Variants in RP9 observed in about 807,000 individuals in gnomAD.
RP9 encodes the protein RP9 pre-mRNA splicing factor, also known as retinitis pigmentosa 9 protein.
Under a neutral mutation model 32.6 loss-of-function variants are expected in RP9, and 23 were observed. The observed-to-expected ratio is 0.71, with a 90% CI of 0.51 to 1.00. The LOEUF (loss-of-function observed/expected upper bound fraction) is 1.00. Among genes scored for constraint, RP9 ranks in the 50% least tolerant of loss-of-function variants. The pLI, the probability that RP9 is intolerant of heterozygous loss-of-function variation, is 0.00. For missense variants in RP9, 245 were observed against 285.3 expected, an observed-to-expected ratio of 0.86 and a Z score of 1.02; for synonymous variants, 94 against 103.6, an observed-to-expected ratio of 0.91 and a Z score of 0.56.
chr7:33,095,003 G>A lies in RP9; in HGVS notation c.*231C>T, dbSNP rs927857399. ...TCATGTGACCAGCAGGGAGGACAAC[G>A]ATGAAGAAACTTTCCTGCCTAAAAT... On this transcript the variant is annotated 3_prime_UTR_variant, in exon 6 of 6. Coordinates refer to ENST00000297157, the MANE Select transcript of RP9 (RefSeq NM_203288.2). 3.2e-5 allele frequency: 18 copies of A among 555,284 alleles called. No individual in the cohort carries two copies. The highest frequency in any genetic ancestry group is 2.8e-4 in the East Asian group (9 of 31,834). 34.4% of individuals were successfully genotyped at this position (555,284 alleles called of 1,614,324 possible). A position where few individuals can be genotyped will look rare whatever the true frequency, so the allele number is the denominator to read the frequency against.
At chr7:33,095,856 G>C (rs1788324897) in intron 5 of RP9, among the ~76,000 whole-genome samples, 1 of 151,672 alleles carries the variant, frequency 6.6e-6, no homozygotes, top group African/African-American at 2.4e-5. Context: ...TTTAGAGACA[G>C]GGTCTTCCTC....
rs1562623221 is a variant in RP9, at chr7:33,109,238, G to C, written c.135C>G (p.Leu45=). ...RRHDAQQLQQ[L]KHLESFYEKP... ...GGACTCACAAGGACTCCAGGTGCTT[G>C]AGCTGCTGCAGCTGCTGCGCGTCGT... Residue 45 remains leucine, a synonymous_variant, in exon 1 of 6, where the codon CTC becomes CTG. Transcript: ENST00000297157. The surrounding 1 kb of genome is among the most constrained non-coding windows in gnomAD (Gnocchi z 4.9). 2 of 1,497,562 alleles carry C rather than the reference G, an allele frequency of 1.3e-6. No individual in the cohort carries two copies. Among genetic ancestry groups the C allele is most frequent in the South Asian group, 2.5e-5 (2 of 80,310 alleles). The allele number at this position is 1,497,562 out of a possible 1,614,324, so 92.8% of individuals were successfully genotyped here.
chr7:33,097,579 C>T (rs1355134771), intron 3 of RP9, among the ~76,000 whole-genome samples: 2 of 152,110 alleles, frequency 1.3e-5, no homozygotes, highest in Admixed American at 6.5e-5. Context: ...TATTCTATCA[C>T]CAAGTATTTA....
In RP9 at chr7:33,097,797, T is replaced by C. The variant is rs571346676; in HGVS notation, c.314-435A>G. ...ACCACACCCAGCTAATTTTTGTATT[T>C]TTAGCAGAGATGGGGTTTTGCCATG... is the stretch of plus-strand genomic sequence containing the variant. On this transcript the variant is annotated intron_variant, in intron 3 of 5. Coordinates refer to ENST00000297157, the MANE Select transcript of RP9 (RefSeq NM_203288.2). 2.0e-5 allele frequency among the ~76,000 whole-genome samples: 3 copies of C among 152,198 alleles called. No individual in the cohort carries two copies. The East Asian group carries it at 5.8e-4, about 30-fold the overall frequency.
intron 1 of RP9, among the ~76,000 whole-genome samples, chr7:33,105,650 TC>T (rs1378329974): frequency 1.3e-5 from 2 of 152,154 alleles, no homozygotes; most frequent in African/African-American, 4.8e-5. Context: ...GACCCCTCAT[TC>T]CAGAAAGGGT....
At chr7:33,105,174 A>C (rs2128033629) in intron 1 of RP9, among the ~76,000 whole-genome samples, 1 of 152,190 alleles carries the variant, frequency 6.6e-6, no homozygotes, top group South Asian at 2.1e-4. Context: ...CAGATTGAAG[A>C]GTCTAGGTAA....
chr7:33,095,381 C>T lies in RP9; in HGVS notation c.519G>A (p.Arg173=). Residue 173 remains arginine (R), a synonymous_variant, in exon 6 of 6, where the codon AGG becomes AGA. Transcript: ENST00000297157. ...LLEDSTSDED[R]SSSSSSEGKE... ...TACCTTCAGAGGAACTGGAGCTGCT[C>T]CTATCTTCATCTGAGGTAGAATCCT... 6.2e-7 allele frequency: 1 copy of T among 1,613,760 alleles called. No individual in the cohort carries two copies. Among genetic ancestry groups the T allele is most frequent in the South Asian group, 1.1e-5 (1 of 91,060 alleles).
chr7:33,099,089 G>T, intron 3 of RP9: 1 of 617,026 alleles, frequency 1.6e-6, no homozygotes, highest in Non-Finnish European at 2.9e-6. Context: ...TGGGTTTGTG[G>T]TGAGAGCTTT....
chr7:33,101,261 T>G (rs1413092737), intron 1 of RP9, among the ~76,000 whole-genome samples: 1 of 152,052 alleles, frequency 6.6e-6, no homozygotes, highest in Non-Finnish European at 1.5e-5. Flanking sequence ...TAGAAGACAA[T>G]GAATATTGGA....
At position 33,100,687 on chromosome 7, in the gene RP9, G is replaced by A. The variant is rs758613144; in HGVS notation, c.153-126C>T. 3 of 796,268 alleles carry A rather than the reference G, an allele frequency of 3.8e-6. No homozygotes were observed. In the East Asian group the frequency reaches 7.9e-5, roughly 21 times the overall value. The allele number at this position is 796,268 out of a possible 1,614,324, so 49.3% of individuals were successfully genotyped here. Reference sequence around the variant, plus strand: ...TAGCAACAATAAGCTTTTATCACTGGTTTGCAGACAAGCAATCACCTGAGA... The same window carrying A: ...TAGCAACAATAAGCTTTTATCACTGATTTGCAGACAAGCAATCACCTGAGA... On this transcript the variant is annotated intron_variant, in intron 1 of 5. Transcript: ENST00000297157.
rs995271826 is a variant in RP9 at position 33,099,540 on chromosome 7, C to G, written c.184-104G>C. The stretch of plus-strand genomic sequence containing the variant: ...TGGCTTTTTCCTGGGCTTCCGGTGC[C>G]AACATCATCTTAGTTACCCCTCAAA... On this transcript the variant is annotated intron_variant, in intron 2 of 5. Coordinates refer to ENST00000297157, the MANE Select transcript of RP9 (RefSeq NM_203288.2). 2.6e-5 allele frequency: 32 copies of G among 1,217,946 alleles called. No homozygotes were observed. The Admixed American group carries it at 5.1e-4, about 19-fold the overall frequency. 75.4% of individuals were successfully genotyped at this position (1,217,946 alleles called of 1,614,324 possible). A position where few individuals can be genotyped will look rare whatever the true frequency, so the allele number is the denominator to read the frequency against.
At chr7:33,100,297 A>C in intron 2 of RP9, 24 of 561,272 alleles carry the variant, frequency 4.3e-5, no homozygotes, top group East Asian at 9.5e-5. Context: ...TGGCCAAGGA[A>C]TCCACGTGGG....
intron 2 of RP9, among the ~76,000 whole-genome samples, chr7:33,099,734 T>TA (rs201447638): frequency 4.1e-5 from 6 of 146,694 alleles, no homozygotes; most frequent in Non-Finnish European, 6.0e-5. Flanking sequence ...ATTCTGAGAT[T>TA]AAAAAAAAAA....
chr7:33,104,728 A>G (rs544118983), intron 1 of RP9, among the ~76,000 whole-genome samples: 10 of 152,268 alleles, frequency 6.6e-5, no homozygotes, highest in African/African-American at 2.2e-4. Flanking sequence ...CTACAGGTCC[A>G]TATCATTGTG....
chr7:33,107,356 T>C (rs894065115), intron 1 of RP9, among the ~76,000 whole-genome samples: 24 of 152,342 alleles, frequency 1.6e-4, no homozygotes, highest in Admixed American at 1.0e-3. Context: ...AAAAGTAGGT[T>C]ATAATCTCTC....
intron 1 of RP9, among the ~76,000 whole-genome samples, chr7:33,101,920 T>C (rs574881383): frequency 2.6e-5 from 4 of 152,304 alleles, no homozygotes; most frequent in East Asian, 1.9e-4. Context: ...ACCTTATGCA[T>C]AGAGACTAGA....
intron 1 of RP9, among the ~76,000 whole-genome samples, chr7:33,108,350 A>AT (rs1358887680): frequency 6.6e-6 from 1 of 152,240 alleles, no homozygotes; most frequent in African/African-American, 2.4e-5. Context: ...CGCCACCCTG[A>AT]TAAATGACTG....
intron 1 of RP9, among the ~76,000 whole-genome samples, chr7:33,103,729 G>A (rs1650308661): frequency 6.6e-6 from 1 of 152,234 alleles, no homozygotes. Context: ...TGATTCAGGG[G>A]GGATCACTTG....
chr7:33,100,081 C>A (rs1788403559), intron 2 of RP9: 1 of 218,550 alleles, frequency 4.6e-6, no homozygotes, highest in Admixed American at 5.2e-5. Flanking sequence ...CACACACACC[C>A]TGGCACCTTG....
Sources: allele counts gnomAD v4.1 joint callset (sites outside exome capture counted in the v4.1 genomes callset), GRCh38; gene constraint gnomAD v4.1.1; non-coding constraint Gnocchi (gnomAD v3.1); transcripts MANE v1.5; gene names NCBI Gene and HGNC (gene_info 2026-07-23, HGNC 2026-07-21).